ETNK1: variants seen among roughly 807,000 people sequenced by gnomAD.
ETNK1 encodes the protein ethanolamine kinase 1.
Under a neutral mutation model 45.1 loss-of-function variants are expected in ETNK1, and 8 were observed. That is an observed-to-expected ratio of 0.18 (90% confidence interval 0.10 to 0.32). The LOEUF (loss-of-function observed/expected upper bound fraction) is 0.32, where lower values mean the gene tolerates loss of function less well. Among genes scored for constraint, ETNK1 ranks in the 10% least tolerant of loss-of-function variants. The pLI is 1.00. For missense variants in ETNK1, 302 were observed against 430.6 expected, an observed-to-expected ratio of 0.70 and a Z score of 2.64; for synonymous variants, 152 against 151.9, an observed-to-expected ratio of 1.00 and a Z score of -0.01.
intron 6 of ETNK1, among the ~76,000 whole-genome samples, chr12:22,678,490 G>T (rs1489806728): frequency 1.3e-5 from 2 of 152,144 alleles, no homozygotes; most frequent in East Asian, 3.8e-4. Flanking sequence ...ATCAAAGTCT[G>T]GTTTCATGAA....
chr12:22,672,009 C>T (rs956303354), intron 5 of ETNK1, among the ~76,000 whole-genome samples: 6 of 151,888 alleles, frequency 4.0e-5, no homozygotes, highest in African/African-American at 9.7e-5. Flanking sequence ...AAGAAACTCA[C>T]CAAGGTCACA....
At chr12:22,659,860 C>T (rs1267975851) in intron 3 of ETNK1, among the ~76,000 whole-genome samples, 1 of 151,864 alleles carries the variant, frequency 6.6e-6, no homozygotes, top group Non-Finnish European at 1.5e-5. Context: ...TGGAGGTGTG[C>T]TGTGGTAAAT....
chr12:22,687,735 A>G lies in ETNK1; in HGVS notation c.*2781A>G, dbSNP rs980431070. On this transcript the variant is annotated 3_prime_UTR_variant, in exon 8 of 8. Transcript: ENST00000266517. ...TGCCTGGAATGTATATAAAAAATGT[A>G]AATAAAAATTTGTAAATTAGTGTGA... The G allele has an allele frequency of 6.6e-6, 1 of 152,332 alleles. No individual in the cohort carries two copies. Among genetic ancestry groups the G allele is most frequent in the Non-Finnish European group, 1.5e-5 (1 of 67,806 alleles). 9.4% of individuals were successfully genotyped at this position (152,332 alleles called of 1,614,324 possible).
chr12:22,661,307 A>G, intron 4 of ETNK1, 102 bp downstream of exon 4: 2 of 924,534 alleles, frequency 2.2e-6, no homozygotes. Flanking sequence ...GCAAGGAGTA[A>G]GAGCGTGCAT....
chr12:22,657,941 A>G (rs1953960902), intron 2 of ETNK1, among the ~76,000 whole-genome samples: 1 of 152,254 alleles, frequency 6.6e-6, no homozygotes, highest in African/African-American at 2.4e-5. Context: ...TTAATGATTG[A>G]TACAATACTA....
At chr12:22,664,045 T>C (rs1215552568) in intron 4 of ETNK1, among the ~76,000 whole-genome samples, 1 of 152,016 alleles carries the variant, frequency 6.6e-6, no homozygotes, top group Non-Finnish European at 1.5e-5. Flanking sequence ...TAGTCTTTAG[T>C]GTTACGTTTC....
At chr12:22,670,119 A>C (rs1045802905) in intron 4 of ETNK1, among the ~76,000 whole-genome samples, 1 of 152,194 alleles carries the variant, frequency 6.6e-6, no homozygotes, top group Non-Finnish European at 1.5e-5. Context: ...TCCCAAAATT[A>C]AACTTACAAA....
chr12:22,673,899 G>T (rs1469219110), intron 6 of ETNK1, among the ~76,000 whole-genome samples: 1 of 152,090 alleles, frequency 6.6e-6, no homozygotes, highest in African/African-American at 2.4e-5. Flanking sequence ...CATATGATAG[G>T]TACTCAGTAA....
intron 2 of ETNK1, chr12:22,644,337 T>A (rs1451193123): frequency 6.5e-7 from 1 of 1,529,650 alleles, no homozygotes; most frequent in East Asian, 2.3e-5. Flanking sequence ...ATACATTTCT[T>A]ACTGCCGATT....
At chr12:22,658,091 T>G (rs1953961984) in intron 2 of ETNK1, among the ~76,000 whole-genome samples, 1 of 152,014 alleles carries the variant, frequency 6.6e-6, no homozygotes, top group Non-Finnish European at 1.5e-5. Context: ...TAAGCCTGTG[T>G]AATTTGTTTT....
chr12:22,639,025 AGTATTTTTATAC>A, intron 1 of ETNK1: 1 of 152,292 alleles, frequency 6.6e-6, no homozygotes, highest in East Asian at 1.9e-4. Context: ...TACCTCAAAA[AGTATTTTTATAC>A]GTATTTGTTT....
intron 2 of ETNK1, among the ~76,000 whole-genome samples, chr12:22,648,012 A>G (rs12319186): frequency 0.047 from 7,197 of 152,016 alleles, 561 homozygotes; most frequent in African/African-American, 0.16. Flanking sequence ...TAAATTAATG[A>G]TTATTAAATA....
rs3983448 is a variant in ETNK1, at chr12:22,686,851, A to ATTTTTTTTTTTTTTTTTTTTTTTTT, written c.*1901_*1925dup. 1.4e-5 allele frequency: 1 copy of ATTTTTTTTTTTTTTTTTTTTTTTTT among 69,262 alleles called. No individual in the cohort carries two copies. 4.3% of individuals were successfully genotyped at this position (69,262 alleles called of 1,614,324 possible). On this transcript the variant is annotated 3_prime_UTR_variant, in exon 8 of 8. Coordinates refer to ENST00000266517, the MANE Select transcript of ETNK1 (RefSeq NM_018638.5). ...AGATAAAGAATGTGTAATACTCTTA[A>ATTTTTTTTTTTTTTTTTTTTTTTTT]TTTTTTTTTTTTTTTTTTTTTTTTT...
At chr12:22,629,580 G>T (rs1261540490) in intron 1 of ETNK1, among the ~76,000 whole-genome samples, 1 of 152,078 alleles carries the variant, frequency 6.6e-6, no homozygotes, top group Admixed American at 6.6e-5. Flanking sequence ...GAAAAAGCCA[G>T]ATCTATACAA....
In ETNK1 at chr12:22,625,193, C is replaced by T. The variant is rs1188174923; in HGVS notation, c.-238C>T. On this transcript the variant is annotated 5_prime_UTR_variant, in exon 1 of 8. Coordinates refer to ENST00000266517, the MANE Select transcript of ETNK1 (RefSeq NM_018638.5). The stretch of plus-strand genomic sequence containing the variant: ...TCTGCGGCCGCCCGCGGTCCAGCTC[C>T]GACAACAGGAATTTTCTCCGAGAGC... 9.3e-6 allele frequency: 15 copies of T among 1,608,404 alleles called. No homozygotes were observed. The highest frequency in any genetic ancestry group is 1.2e-5 in the Non-Finnish European group (14 of 1,177,572).
chr12:22,679,629 G>T (rs1244201319), intron 6 of ETNK1, among the ~76,000 whole-genome samples: 1 of 152,074 alleles, frequency 6.6e-6, no homozygotes, highest in African/African-American at 2.4e-5. Context: ...TTCTCCTAGG[G>T]AGTGGGAGTA....
intron 6 of ETNK1, among the ~76,000 whole-genome samples, chr12:22,677,661 T>C (rs1474787509): frequency 1.3e-5 from 2 of 152,222 alleles, no homozygotes; most frequent in African/African-American, 4.8e-5. Flanking sequence ...GTTTTTCCAT[T>C]TGTGCATGTC....
intron 1 of ETNK1, among the ~76,000 whole-genome samples, chr12:22,628,186 T>C (rs1953530617): frequency 6.6e-6 from 1 of 152,122 alleles, no homozygotes; most frequent in African/African-American, 2.4e-5. Context: ...GTGAGGTAGA[T>C]GTAGACGGTA....
intron 2 of ETNK1, chr12:22,644,487 T>G: frequency 1.4e-6 from 1 of 706,070 alleles, no homozygotes; most frequent in Non-Finnish European, 1.9e-6. Flanking sequence ...ATGTCATATA[T>G]GCTTGATCAT....
Sources: gnomAD v4.1 joint callset for allele counts (sites outside exome capture counted in the v4.1 genomes callset) on GRCh38, gnomAD v4.1.1 for gene constraint, MANE v1.5 for transcripts, NCBI Gene and HGNC (gene_info 2026-07-23, HGNC 2026-07-21) for gene names.